The following C10orf88 variants were observed in gnomAD, a reference collection of about 807,000 sequenced individuals.
The protein encoded by C10orf88 is chromosome 10 open reading frame 88, also known as ATPase PAAT.
In C10orf88, 29 loss-of-function variants were observed where a neutral mutation model predicts 34.2. The ratio of observed to expected loss-of-function variants is 0.85; its 90% CI spans 0.63 to 1.16. The LOEUF (loss-of-function observed/expected upper bound fraction) is 1.16, where lower values mean the gene tolerates loss of function less well. C10orf88 is among the 50% of genes most tolerant of loss of function. The probability of loss-of-function intolerance (pLI) is 0.00; values close to 1 mark genes in which losing one functional copy is unlikely to be tolerated. For missense variants in C10orf88, 507 were observed against 533.2 expected (o/e 0.95, Z 0.48); for synonymous variants, 194 against 197.4 (o/e 0.98, Z 0.15).
At chr10:122,947,544 T>C (rs1410009322) in intron 4 of C10orf88, among the ~76,000 whole-genome samples, 2 of 152,146 alleles carry the variant, frequency 1.3e-5, no homozygotes, top group Admixed American at 1.3e-4. Flanking sequence ...ATGTTTCTGG[T>C]TCCTTTTTCC....
rs1239005765 is a variant in C10orf88 at position 122,952,975 on chromosome 10, G to A, written c.222C>T (p.Phe74=). 1.2e-6 allele frequency: 2 copies of A among 1,614,042 alleles called. No homozygotes were observed. Among genetic ancestry groups the A allele is most frequent in the East Asian group, 2.2e-5 (1 of 44,898 alleles). ...CATCAGGGCCACACCTCAGGTAAAG[G>A]AAGCAGGGGTTTTCATCTTTGTTGT... ...NHNNKDENPC[F]LYLRCGPDGG... The change falls in exon 2 of 6, where the codon TTC becomes TTT. Residue 74 remains phenylalanine (F), a synonymous_variant. Coordinates refer to ENST00000481909, the MANE Select transcript of C10orf88 (RefSeq NM_024942.4).
chr10:122,934,382 T>C (rs1408576421), intron 5 of C10orf88, among the ~76,000 whole-genome samples: 1 of 152,154 alleles, frequency 6.6e-6, no homozygotes, highest in African/African-American at 2.4e-5. Flanking sequence ...TAACCATCAA[T>C]ATGTTGTTCA....
At position 122,932,575 on chromosome 10, in the gene C10orf88, A is replaced by G. The variant is rs149526475; in HGVS notation, c.1190T>C (p.Ile397Thr). The change falls in exon 6 of 6, where the codon ATT (isoleucine) becomes ACT (threonine). Residue 397 changes from isoleucine (I) to threonine (T), a missense_variant. By Grantham distance (89) the Ile-to-Thr change is moderately conservative. Transcript: ENST00000481909. Reference protein sequence around the residue: ...ELMEKKLMDYIDQRIHELQEH... With the variant: ...ELMEKKLMDYTDQRIHELQEH... Reference sequence around the variant, plus strand: ...CTGGAGTTCATGTATTCGCTGATCAATGTAATCCATAAGTTTCTTTTCCAT... The same window carrying G: ...CTGGAGTTCATGTATTCGCTGATCAGTGTAATCCATAAGTTTCTTTTCCAT... 2.7e-5 allele frequency: 44 copies of G among 1,613,862 alleles called. No individual in the cohort carries two copies. Among genetic ancestry groups the G allele is most frequent in the South Asian group, 3.3e-5 (3 of 91,084 alleles).
At position 122,931,546 on chromosome 10, in the gene C10orf88, A is replaced by G. The variant is rs1848484800; in HGVS notation, c.*881T>C. ...TGCATTTATTTTTATATGCAAATAT[A>G]TCACCCTTCAATGCATATACAATAG... On this transcript the variant is annotated 3_prime_UTR_variant, in exon 6 of 6. Coordinates refer to ENST00000481909, the MANE Select transcript of C10orf88 (RefSeq NM_024942.4). 1 of 152,242 alleles carries G rather than the reference A, an allele frequency of 6.6e-6. No individual in the cohort carries two copies. The highest frequency in any genetic ancestry group is 2.4e-5 in the African/African-American group (1 of 41,460). 9.4% of individuals were successfully genotyped at this position (152,242 alleles called of 1,614,324 possible).
Position 122,948,706 on chromosome 10 carries a change from C to T in C10orf88, c.591G>A (p.Gly197=). The T allele has an allele frequency of 6.2e-7, 1 of 1,613,972 alleles. No individual in the cohort carries two copies. The highest frequency in any genetic ancestry group is 8.5e-7 in the Non-Finnish European group (1 of 1,179,890). ...DKVQTIMESM[G]SKLSPGAQQL... ...GCTGAGCTCCAGGAGATAACTTTGA[C>T]CCCATGGACTCCATTATGGTTTGGA... The change falls in exon 4 of 6, where the codon GGG becomes GGA. Residue 197 remains glycine (G), a synonymous_variant. Transcript: ENST00000481909.
intron 5 of C10orf88, among the ~76,000 whole-genome samples, chr10:122,934,409 A>C (rs1848514793): frequency 6.6e-6 from 1 of 152,102 alleles, no homozygotes; most frequent in South Asian, 2.1e-4. Context: ...CAGTTTTATT[A>C]TTTTGAAAAT....
intron 1 of C10orf88, among the ~76,000 whole-genome samples, chr10:122,953,813 A>C (rs1427974241): frequency 6.6e-6 from 1 of 151,194 alleles, no homozygotes; most frequent in Admixed American, 6.6e-5. Context: ...TCTCACGCCC[A>C]GGAGCCTCGG....
rs561915802 is a variant in C10orf88 at position 122,953,712 on chromosome 10, A to C, written c.164+303T>G. On this transcript the variant is annotated intron_variant, in intron 1 of 5. Transcript: ENST00000481909. ...CAGGAGGTGTCTTGTTTGAGGGTAG[A>C]GGGGCGGACTGACTTTGACAGCAGC... 2.0e-5 allele frequency among the ~76,000 whole-genome samples: 3 copies of C among 152,312 alleles called. No homozygotes were observed. In the South Asian group the frequency reaches 6.2e-4, roughly 32 times the overall value.
At chr10:122,937,360 C>T (rs1368961238) in intron 5 of C10orf88, among the ~76,000 whole-genome samples, 1 of 151,898 alleles carries the variant, frequency 6.6e-6, no homozygotes, top group Non-Finnish European at 1.5e-5. Flanking sequence ...TACCCAGGCA[C>T]AAAATAGTAC....
At chr10:122,946,345 A>G (rs1848639490) in intron 4 of C10orf88, among the ~76,000 whole-genome samples, 1 of 152,164 alleles carries the variant, frequency 6.6e-6, no homozygotes, top group Non-Finnish European at 1.5e-5. Context: ...CTATATTTTT[A>G]CAGTACCTCT....
chr10:122,943,114 C>T (rs1297674076), intron 4 of C10orf88, among the ~76,000 whole-genome samples: 1 of 151,374 alleles, frequency 6.6e-6, no homozygotes, highest in Non-Finnish European at 1.5e-5. Flanking sequence ...CACTGCCTGA[C>T]TTCAAACTAT....
chr10:122,936,001 CCCT>C (rs1455341567), intron 5 of C10orf88, among the ~76,000 whole-genome samples: 9 of 151,664 alleles, frequency 5.9e-5, no homozygotes, highest in Admixed American at 2.6e-4. Flanking sequence ...GGAACATCTT[CCCT>C]CCTCTTCTAG....
chr10:122,954,037 G>T lies in C10orf88; in HGVS notation c.142C>A (p.Leu48Met). ...LGPGDFDWEELLAPPAPGQDL... is the reference protein window; with the variant it reads ...LGPGDFDWEEMLAPPAPGQDL... ...CACCCTGGAGCAGGCGGTGCCAGCA[G>T]CTCCTCCCAGTCGAAGTCACCGGGG... Residue 48 changes from leucine to methionine, a missense_variant, in exon 1 of 6, where the codon CTG becomes ATG. By Grantham distance (15) the Leu-to-Met change is conservative. Coordinates refer to ENST00000481909, the MANE Select transcript of C10orf88 (RefSeq NM_024942.4). The T allele has an allele frequency of 1.3e-6, 2 of 1,532,586 alleles. No individual in the cohort carries two copies. Among genetic ancestry groups the T allele is most frequent in the Non-Finnish European group, 8.8e-7 (1 of 1,142,852 alleles). The allele number at this position is 1,532,586 out of a possible 1,614,324, so 94.9% of individuals were successfully genotyped here.
Position 122,938,061 on chromosome 10 carries a change from T to C in C10orf88, c.747A>G (p.Leu249=). The change falls in exon 5 of 6, where the codon TTA becomes TTG. Residue 249 remains leucine, a synonymous_variant. Coordinates refer to ENST00000481909, the MANE Select transcript of C10orf88 (RefSeq NM_024942.4). ...GLQSSSTLGT[L]NKSSSTPFPF... ...GAAAAGGTGTGGAGGACGACTTGTT[T>C]AAGGTTCCTAAGGTAGATGAGGATT... 1.9e-6 allele frequency: 3 copies of C among 1,613,280 alleles called. No individual in the cohort carries two copies. Among genetic ancestry groups the C allele is most frequent in the Non-Finnish European group, 2.5e-6 (3 of 1,179,410 alleles).
chr10:122,941,211 C>A (rs1036922173), intron 4 of C10orf88, among the ~76,000 whole-genome samples: 1 of 152,012 alleles, frequency 6.6e-6, no homozygotes, highest in African/African-American at 2.4e-5. Flanking sequence ...CATTAAATGA[C>A]AATCATATGC....
intron 2 of C10orf88, among the ~76,000 whole-genome samples, chr10:122,952,599 T>G (rs1848700492): frequency 6.6e-6 from 1 of 152,192 alleles, no homozygotes; most frequent in African/African-American, 2.4e-5. Context: ...CTCCTACCAA[T>G]TCACCTTGAT....
In C10orf88 at chr10:122,951,990, T is replaced by C. The variant is rs201523441; in HGVS notation, c.405A>G (p.Leu135=). The C allele has an allele frequency of 4.5e-6, 7 of 1,545,814 alleles. No individual in the cohort carries two copies. Among genetic ancestry groups the C allele is most frequent in the Non-Finnish European group, 6.2e-6 (7 of 1,127,472 alleles). The change falls in exon 3 of 6, where the codon CTA becomes CTG. Residue 135 remains leucine, a synonymous_variant. Transcript: ENST00000481909. ...HEKIILYKKN[L]KLESSTHACK... Reference sequence around the variant, plus strand: ...AAGCATGTGTGGAGGACTCCAATTTTAGATTTTTTTTATACAAAATGATCT... The same window carrying C: ...AAGCATGTGTGGAGGACTCCAATTTCAGATTTTTTTTATACAAAATGATCT...
intron 5 of C10orf88, 94 bp from the exon 6 acceptor site, chr10:122,932,755 T>G (rs1401448890): frequency 2.4e-6 from 2 of 836,436 alleles, no homozygotes; most frequent in Non-Finnish European, 3.7e-6. Context: ...TGCTGAGATT[T>G]GTCTCCACAA....
chr10:122,932,492 G>T lies in C10orf88; in HGVS notation c.1273C>A (p.Pro425Thr). 6.2e-7 allele frequency: 1 copy of T among 1,614,000 alleles called. No individual in the cohort carries two copies. The highest frequency in any genetic ancestry group is 8.5e-7 in the Non-Finnish European group (1 of 1,179,972). ...TGTCTTAGAGGTATCCCAGTGGGCG[G>T]GGAGTTAGGATTTTGCAGCAAATCC... Reference protein sequence around the residue: ...LLDLLQNPNSPPTGIPLRHYD... With the variant: ...LLDLLQNPNSTPTGIPLRHYD... Residue 425 changes from proline (P) to threonine (T), a missense_variant, in exon 6 of 6, where the codon CCG (proline) becomes ACG (threonine). Physicochemically the swap from Pro to Thr is conservative, Grantham distance 38. Transcript: ENST00000481909.
Sources: gnomAD v4.1 joint callset for allele counts (sites outside exome capture counted in the v4.1 genomes callset) on GRCh38, gnomAD v4.1.1 for gene constraint, MANE v1.5 for transcripts, NCBI Gene and HGNC (gene_info 2026-07-23, HGNC 2026-07-21) for gene names.